Variants in ACBD6 observed in about 807,000 individuals in gnomAD.
ACBD6 encodes the protein acyl-CoA-binding domain-containing protein 6.
ACBD6 carries 28 observed loss-of-function variants against 37.2 expected under a neutral mutation model. The observed-to-expected ratio is 0.75, with a 90% confidence interval of 0.56 to 1.03. The LOEUF (loss-of-function observed/expected upper bound fraction) is 1.03, where lower values mean the gene tolerates loss of function less well. ACBD6 is among the 50% of genes least tolerant of loss of function. The pLI, the probability that ACBD6 is intolerant of heterozygous loss-of-function variation, is 0.00. For missense variants in ACBD6, 340 were observed against 337.4 expected (o/e 1.01, Z -0.06); for synonymous variants, 113 against 126.8 (o/e 0.89, Z 0.73).
intron 6 of ACBD6, among the ~76,000 whole-genome samples, chr1:180,319,370 G>T (rs1006949978): frequency 6.6e-6 from 1 of 151,954 alleles, no homozygotes; most frequent in African/African-American, 2.4e-5. Flanking sequence ...TTTAATTTTT[G>T]TGGGTACACA....
At chr1:180,309,325 T>C (rs893846841) in intron 7 of ACBD6, among the ~76,000 whole-genome samples, 1 of 152,222 alleles carries the variant, frequency 6.6e-6, no homozygotes, top group Non-Finnish European at 1.5e-5. Flanking sequence ...CCTGTTGCTA[T>C]CTATAAATGC....
At chr1:180,281,123 T>C (rs1377314647) in intron 9 of ACBD6, among the ~76,000 whole-genome samples, 8 of 152,224 alleles carry the variant, frequency 5.3e-5, no homozygotes, top group Non-Finnish European at 1.5e-5. Flanking sequence ...ATAAAATGGC[T>C]GCAGCTCACA....
Position 180,359,083 on chromosome 1 carries a change from T to C in ACBD6, c.663+38433A>G, listed in dbSNP as rs1469986572. Among the ~76,000 whole-genome samples, 4 of 152,284 alleles carry C rather than the reference T, an allele frequency of 2.6e-5. No homozygotes were observed. The East Asian group carries it at 7.7e-4, about 29-fold the overall frequency. On this transcript the variant is annotated intron_variant, in intron 6 of 7. Coordinates refer to ENST00000367595, the MANE Select transcript of ACBD6 (RefSeq NM_032360.4). ...CAGGGCTCCAAGGACTCTAGGGAAA[T>C]GCAGAACGGCTCCAGAAAAGTGCTG...
At chr1:180,498,612 G>A (rs1361315899) in intron 1 of ACBD6, among the ~76,000 whole-genome samples, 2 of 152,094 alleles carry the variant, frequency 1.3e-5, no homozygotes, top group Non-Finnish European at 2.9e-5. Context: ...CCAGCACTTT[G>A]GGAGGCCAAG....
chr1:180,273,980 G>T lies in ACBD6; in HGVS notation c.*1069C>A, dbSNP rs1571299527. On this transcript the variant is annotated 3_prime_UTR_variant, in exon 11 of 14. Coordinates refer to the ACBD6 transcript ENST00000642319. The stretch of plus-strand genomic sequence containing the variant: ...TCTGGGACCTGGGAATTTAGTCTTT[G>T]CAGGTGTTTCTTGTTTTTCTCCTTG... 7 of 609,728 alleles carry T rather than the reference G, an allele frequency of 1.1e-5. No individual in the cohort carries two copies. The East Asian group carries it at 1.7e-4, about 15-fold the overall frequency. The allele number at this position is 609,728 out of a possible 1,614,324, so 37.8% of individuals were successfully genotyped here.
chr1:180,485,382 T>C (rs796867653), intron 3 of ACBD6, among the ~76,000 whole-genome samples: 11 of 152,218 alleles, frequency 7.2e-5, no homozygotes, highest in African/African-American at 2.6e-4. Context: ...GGAAATAGGA[T>C]CTTGGCAGAT....
At chr1:180,271,388 G>A (rs776568291) in exon 14 of ACBD6, 7 of 1,614,092 alleles carry the variant, frequency 4.3e-6, no homozygotes, top group Non-Finnish European at 5.9e-6. Flanking sequence ...AGATGACTCA[G>A]AGGCTGGAGC....
intron 7 of ACBD6, among the ~76,000 whole-genome samples, chr1:180,309,437 C>G (rs1244417947): frequency 6.6e-6 from 1 of 152,128 alleles, no homozygotes; most frequent in South Asian, 2.1e-4. Context: ...TCTAAATTCT[C>G]AAGAGCACAT....
chr1:180,281,071 G>A (rs1297751939), intron 9 of ACBD6, among the ~76,000 whole-genome samples: 2 of 152,160 alleles, frequency 1.3e-5, no homozygotes, highest in Non-Finnish European at 2.9e-5. Flanking sequence ...AGTGTACACA[G>A]CTTCCACCAC....
chr1:180,314,024 T>C (rs1231133324), intron 7 of ACBD6, among the ~76,000 whole-genome samples: 5 of 152,214 alleles, frequency 3.3e-5, no homozygotes, highest in Non-Finnish European at 5.9e-5. Flanking sequence ...TCAAATTTCT[T>C]TTTCTTCAAT....
At position 180,495,488 on chromosome 1, in the gene ACBD6, A is replaced by C; in HGVS notation, c.260T>G (p.Phe87Cys). 2 of 1,606,498 alleles carry C rather than the reference A, an allele frequency of 1.2e-6. No individual in the cohort carries two copies. Among genetic ancestry groups the C allele is most frequent in the African/African-American group, 1.3e-5 (1 of 74,694 alleles). The change falls in exon 2 of 8, where the codon TTC (phenylalanine) becomes TGC (cysteine). Residue 87 changes from phenylalanine (F) to cysteine (C), a missense_variant. Transcript: ENST00000367595. ...TTTTTGCTTTCCTTCAAAATCAAAGAAGCTTGGTTTAGGAGTATTACAATT... is the reference window on the plus strand; with the variant it reads ...TTTTTGCTTTCCTTCAAAATCAAAGCAGCTTGGTTTAGGAGTATTACAATT... ...VGNCNTPKPSFFDFEGKQKWE... is the reference protein window; with the variant it reads ...VGNCNTPKPSCFDFEGKQKWE...
intron 3 of ACBD6, among the ~76,000 whole-genome samples, chr1:180,441,990 ATTATG>A (rs1211074744): frequency 6.6e-6 from 1 of 152,198 alleles, no homozygotes; most frequent in Non-Finnish European, 1.5e-5. Context: ...ATAAATACCC[ATTATG>A]TTAAGTAAAG....
chr1:180,436,852 T>C (rs1182056442), intron 3 of ACBD6, among the ~76,000 whole-genome samples: 1 of 152,054 alleles, frequency 6.6e-6, no homozygotes, highest in Non-Finnish European at 1.5e-5. Flanking sequence ...AGGCCATATA[T>C]GAAAAGGCCA....
chr1:180,369,703 T>C (rs1401699355), intron 6 of ACBD6, among the ~76,000 whole-genome samples: 3 of 152,162 alleles, frequency 2.0e-5, no homozygotes, highest in Non-Finnish European at 2.9e-5. Flanking sequence ...ATTGCAGAGA[T>C]TTCTGAGCAG....
chr1:180,470,777 C>T (rs544463947), intron 3 of ACBD6, among the ~76,000 whole-genome samples: 236 of 152,214 alleles, frequency 1.6e-3, no homozygotes, highest in African/African-American at 4.8e-3. Flanking sequence ...TCATCATATC[C>T]GGGCATTAAG....
At chr1:180,357,357 T>C (rs1451230815) in intron 6 of ACBD6, among the ~76,000 whole-genome samples, 1 of 152,144 alleles carries the variant, frequency 6.6e-6, no homozygotes, top group African/African-American at 2.4e-5. Context: ...TCGATACAAA[T>C]GGAATAAGTA....
intron 3 of ACBD6, among the ~76,000 whole-genome samples, chr1:180,433,025 TAAAGA>T (rs1465813892): frequency 2.0e-5 from 3 of 152,028 alleles, no homozygotes; most frequent in Non-Finnish European, 2.9e-5. Context: ...TCAAAATAAT[TAAAGA>T]AAAGGGAACA....
intron 2 of ACBD6, 88 bp downstream of exon 2, chr1:180,495,373 T>C: frequency 2.1e-6 from 2 of 949,068 alleles, no homozygotes; most frequent in Non-Finnish European, 3.2e-6. Context: ...AATATAAAAA[T>C]AATTCTTTAA....
chr1:180,502,441 C>T lies in ACBD6; in HGVS notation c.-175G>A, dbSNP rs1431664718. The stretch of plus-strand genomic sequence containing the variant: ...CCCTGCTCCCTGCCCACTTCTACTC[C>T]CTGGGCGTGCAGAGCAGGCTCCTCG... On this transcript the variant is annotated 5_prime_UTR_variant, in exon 1 of 8. Transcript: ENST00000367595. The T allele has an allele frequency of 8.5e-6, 6 of 707,246 alleles. No homozygotes were observed. In the African/African-American group the frequency reaches 1.0e-4, roughly 12 times the overall value. 43.8% of individuals were successfully genotyped at this position (707,246 alleles called of 1,614,324 possible). A position where few individuals can be genotyped will look rare whatever the true frequency, so the allele number is the denominator to read the frequency against.
Sources: allele counts gnomAD v4.1 joint callset (sites outside exome capture counted in the v4.1 genomes callset), GRCh38; gene constraint gnomAD v4.1.1; transcripts MANE v1.5; gene names NCBI Gene and HGNC (gene_info 2026-07-23, HGNC 2026-07-21).